Variants in SMYD3 observed in about 807,000 individuals in gnomAD.
SMYD3 encodes the protein SET and MYND domain containing 3, also known as histone-lysine N-methyltransferase SMYD3.
SMYD3 carries 36 observed loss-of-function variants against 57.7 expected under a neutral mutation model. The observed-to-expected ratio is 0.62, with a 90% CI of 0.48 to 0.82. The LOEUF (loss-of-function observed/expected upper bound fraction) is 0.82. SMYD3 is among the 40% of genes least tolerant of loss of function. The pLI, the probability that SMYD3 is intolerant of heterozygous loss-of-function variation, is 0.00. For synonymous variants in SMYD3, 211 were observed against 195.0 expected, an observed-to-expected ratio of 1.08 and a Z score of -0.68; for missense variants, 515 against 538.8, an observed-to-expected ratio of 0.96 and a Z score of 0.44.
intron 5 of SMYD3, among the ~76,000 whole-genome samples, chr1:246,125,083 A>ACACAC (rs770348655): frequency 4.6e-5 from 5 of 109,632 alleles, no homozygotes; most frequent in African/African-American, 1.3e-4. Context: ...AAAAAAAAAA[A>ACACAC]AAAAACACAC....
intron 10 of SMYD3, among the ~76,000 whole-genome samples, chr1:245,768,219 G>GA (rs1274992363): frequency 6.6e-6 from 1 of 152,054 alleles, no homozygotes; most frequent in African/African-American, 2.4e-5. Flanking sequence ...GCCTAGATTG[G>GA]AAAAAAATGT....
Position 246,462,577 on chromosome 1 carries a change from G to A in SMYD3, c.164+44477C>T, listed in dbSNP as rs575034709. Among the ~76,000 whole-genome samples, 10 of 152,240 alleles carry A rather than the reference G, an allele frequency of 6.6e-5. No individual in the cohort carries two copies. The East Asian group carries it at 7.8e-4, about 12-fold the overall frequency. On this transcript the variant is annotated intron_variant, in intron 1 of 11. Coordinates refer to ENST00000490107, the MANE Select transcript of SMYD3 (RefSeq NM_001167740.2). ...ATCTCTGGGCGCATCCCTTGACCCC[G>A]AGGCTCGGAGGGCAGAAGAATCACC...
At chr1:246,248,899 G>A (rs1030576732) in intron 5 of SMYD3, among the ~76,000 whole-genome samples, 7 of 142,296 alleles carry the variant, frequency 4.9e-5, no homozygotes, top group African/African-American at 1.1e-4. Flanking sequence ...CTCGTGACCC[G>A]CGCGCCTCAG....
intron 1 of SMYD3, among the ~76,000 whole-genome samples, chr1:246,475,276 C>T (rs1035893785): frequency 3.3e-5 from 5 of 149,990 alleles, no homozygotes; most frequent in East Asian, 2.0e-4. Context: ...TGCAGTGAGC[C>T]GAGAGCCCAC....
intron 5 of SMYD3, among the ~76,000 whole-genome samples, chr1:246,055,874 A>C (rs767231253): frequency 2.0e-5 from 3 of 152,204 alleles, no homozygotes; most frequent in Admixed American, 6.5e-5. Context: ...GGGAGTTATC[A>C]TTTAATGGGT....
intron 5 of SMYD3, among the ~76,000 whole-genome samples, chr1:245,985,599 C>T (rs1199217174): frequency 2.0e-5 from 3 of 152,124 alleles, no homozygotes; most frequent in African/African-American, 4.8e-5. Flanking sequence ...CCCTTATTCC[C>T]GTCTCCAAGA....
intron 5 of SMYD3, among the ~76,000 whole-genome samples, chr1:246,233,636 C>CT (rs554441589): frequency 8.0e-6 from 1 of 125,532 alleles, no homozygotes; most frequent in African/African-American, 3.1e-5. Context: ...AGAAGCACTC[C>CT]TCAATTCACA....
At chr1:246,274,553 C>T (rs12085994) in intron 5 of SMYD3, among the ~76,000 whole-genome samples, 2 of 151,954 alleles carry the variant, frequency 1.3e-5, no homozygotes, top group African/African-American at 2.4e-5. Context: ...TATATAACTA[C>T]AACATAGAAC....
chr1:246,446,352 A>T (rs982308838), intron 1 of SMYD3, among the ~76,000 whole-genome samples: 2 of 152,214 alleles, frequency 1.3e-5, no homozygotes, highest in African/African-American at 4.8e-5. Context: ...CAACTCTAGA[A>T]ATAATTCTAT....
intron 5 of SMYD3, among the ~76,000 whole-genome samples, chr1:245,943,248 G>A (rs2057319155): frequency 7.2e-6 from 1 of 139,778 alleles, no homozygotes; most frequent in African/African-American, 2.7e-5. Flanking sequence ...TAGGCCACTA[G>A]CTAGACTTAA....
intron 5 of SMYD3, among the ~76,000 whole-genome samples, chr1:246,138,696 A>AT (rs35332606): frequency 0.5 from 74,758 of 150,024 alleles, 22,525 homozygotes; most frequent in Non-Finnish European, 0.69. Flanking sequence ...AAGTGCTGGG[A>AT]TTACAGGCAT....
At chr1:246,194,568 C>T (rs747935773) in intron 5 of SMYD3, among the ~76,000 whole-genome samples, 22 of 152,182 alleles carry the variant, frequency 1.4e-4, no homozygotes, top group Non-Finnish European at 2.6e-4. Context: ...CACCCGGCTG[C>T]ATGCCACAGT....
At chr1:246,134,905 C>T (rs2061644874) in intron 5 of SMYD3, among the ~76,000 whole-genome samples, 1 of 147,218 alleles carries the variant, frequency 6.8e-6, no homozygotes, top group African/African-American at 2.5e-5. Flanking sequence ...ACTAAAATTA[C>T]ATCCCCAAGA....
chr1:246,262,352 T>C, intron 5 of SMYD3, among the ~76,000 whole-genome samples: 1 of 152,198 alleles, frequency 6.6e-6, no homozygotes. Flanking sequence ...AATAATGTGT[T>C]ACTTATTTTT....
chr1:246,036,854 A>G lies in SMYD3; in HGVS notation c.532-106917T>C, dbSNP rs544384743. ...GCTGGGATTATAGGCATGAGCCACC[A>G]CGCCTCGCCTTTTATTTTATTATCA... On this transcript the variant is annotated intron_variant, in intron 5 of 11. Transcript: ENST00000490107. Among the ~76,000 whole-genome samples the G allele has an allele frequency of 3.3e-5, 5 of 151,472 alleles. No individual in the cohort carries two copies. In the East Asian group the frequency reaches 5.9e-4, roughly 18 times the overall value.
Position 246,173,471 on chromosome 1 carries a change from C to G in SMYD3, c.531+153730G>C, listed in dbSNP as rs541641802. Among the ~76,000 whole-genome samples, 9 of 152,330 alleles carry G rather than the reference C, an allele frequency of 5.9e-5. No homozygotes were observed. The East Asian group carries it at 1.7e-3, about 29-fold the overall frequency. ...TTATAAACTTTTTTTAACCTTTTGA[C>G]TCTTGTAATAATACTTACCTTAAAA... On this transcript the variant is annotated intron_variant, in intron 5 of 11. Coordinates refer to ENST00000490107, the MANE Select transcript of SMYD3 (RefSeq NM_001167740.2).
intron 5 of SMYD3, among the ~76,000 whole-genome samples, chr1:246,278,139 C>T (rs776003946): frequency 1.3e-5 from 2 of 152,040 alleles, no homozygotes; most frequent in African/African-American, 2.4e-5. Flanking sequence ...TGCCTCAGGT[C>T]GGCCTGGAGG....
At chr1:246,072,820 T>G (rs1417347554) in intron 5 of SMYD3, among the ~76,000 whole-genome samples, 3 of 152,200 alleles carry the variant, frequency 2.0e-5, no homozygotes, top group Non-Finnish European at 4.4e-5. Flanking sequence ...TCTTCTGCCT[T>G]GGACGTAAGA....
At chr1:245,863,993 A>G in intron 8 of SMYD3, 107 bp from the exon 9 acceptor site, 1 of 950,822 alleles carries the variant, frequency 1.1e-6, no homozygotes, top group Non-Finnish European at 1.6e-6. Context: ...CCCTGAAAAG[A>G]TGCTTGGCAT....
Sources: allele counts gnomAD v4.1 joint callset (sites outside exome capture counted in the v4.1 genomes callset), GRCh38; gene constraint gnomAD v4.1.1; transcripts MANE v1.5; gene names NCBI Gene and HGNC (gene_info 2026-07-23, HGNC 2026-07-21).